SLC44A2: variants seen among roughly 807,000 people sequenced by gnomAD.
The protein encoded by SLC44A2 is solute carrier family 44 member 2 (CTL2 blood group).
In SLC44A2, 57 loss-of-function variants were observed where a neutral mutation model predicts 90.8. The observed-to-expected ratio is 0.63, with a 90% CI of 0.51 to 0.78. The LOEUF is 0.78. SLC44A2 is among the 30% of genes least tolerant of loss of function. SLC44A2 has a pLI of 0.00. For synonymous variants in SLC44A2, 355 were observed against 360.7 expected (o/e 0.98, Z 0.18); for missense variants, 794 against 919.7 (o/e 0.86, Z 1.77).
At position 10,637,732 on chromosome 19, in the gene SLC44A2, G is replaced by A. The variant is rs1266532175; in HGVS notation, c.1680G>A (p.Arg560=). 1 of 1,614,042 alleles carries A rather than the reference G, an allele frequency of 6.2e-7. No individual in the cohort carries two copies. Among genetic ancestry groups the A allele is most frequent in the East Asian group, 2.2e-5 (1 of 44,870 alleles). ...CLEKFIKFLN[R]NAYIMIAIYG... The stretch of plus-strand genomic sequence containing the variant: ...AGAAGTTCATCAAATTCCTTAATAG[G>A]AATGCCTACATCATGGTGAGTGGGC... The change falls in exon 17 of 22, where the codon AGG becomes AGA. Residue 560 remains arginine (R), a synonymous_variant. Transcript: ENST00000335757.
Position 10,643,530 on chromosome 19 carries a change from G to A in SLC44A2, c.*145G>A, listed in dbSNP as rs1211226220. On this transcript the variant is annotated 3_prime_UTR_variant, in exon 22 of 22. Transcript: ENST00000335757. ...CATGAGCCAGATCCCACCAGTTTCT[G>A]GACGTGGAGAGTCTGGGGCATCTCC... 1 of 985,494 alleles carries A rather than the reference G, an allele frequency of 1.0e-6. No homozygotes were observed. Among genetic ancestry groups the A allele is most frequent in the Non-Finnish European group, 1.4e-6 (1 of 694,482 alleles). 61.0% of individuals were successfully genotyped at this position (985,494 alleles called of 1,614,324 possible). A position where few individuals can be genotyped will look rare whatever the true frequency, so the allele number is the denominator to read the frequency against.
intron 21 of SLC44A2, chr19:10,642,966 T>A (rs2067134316): frequency 6.3e-7 from 1 of 1,591,142 alleles, no homozygotes; most frequent in Non-Finnish European, 8.5e-7. Flanking sequence ...CTGAGAGACA[T>A]CCTGTTGAAG....
At chr19:10,612,969 G>A (rs1241488393) in intron 1 of SLC44A2, among the ~76,000 whole-genome samples, 3 of 152,202 alleles carry the variant, frequency 2.0e-5, no homozygotes, top group African/African-American at 4.8e-5. Flanking sequence ...TGTGTGGCCC[G>A]AGCAAGCAAC....
At chr19:10,642,617 C>G (rs975622042) in intron 21 of SLC44A2, among the ~76,000 whole-genome samples, 166 bp downstream of exon 21, 21 of 152,130 alleles carry the variant, frequency 1.4e-4, no homozygotes, top group Non-Finnish European at 1.0e-4. Context: ...TTTCCTTTTG[C>G]GCTTAGAAGC....
chr19:10,609,389 T>A (rs1918216846), intron 1 of SLC44A2, among the ~76,000 whole-genome samples: 2 of 152,066 alleles, frequency 1.3e-5, no homozygotes. Context: ...AACCTCCGCC[T>A]CCTGGGTTCA....
chr19:10,625,353 G>C (rs2066921166), upstream of SLC44A2: 1 of 736,340 alleles, frequency 1.4e-6, no homozygotes, highest in South Asian at 6.9e-5. Context: ...GGTGTTCCCA[G>C]GGTGAAGCCG....
chr19:10,629,380 C>A (rs545307751), intron 4 of SLC44A2, among the ~76,000 whole-genome samples: 1 of 151,186 alleles, frequency 6.6e-6, no homozygotes, highest in East Asian at 2.0e-4. Flanking sequence ...CGGGTTCAAG[C>A]GGTTCTCCTG....
At chr19:10,607,461 C>T (rs2144801693) in intron 1 of SLC44A2, among the ~76,000 whole-genome samples, 1 of 151,878 alleles carries the variant, frequency 6.6e-6, no homozygotes, top group African/African-American at 2.4e-5. Context: ...AGTGATCCTC[C>T]TGCTTCTGCC....
chr19:10,635,752 T>A, intron 14 of SLC44A2: 12 of 372,686 alleles, frequency 3.2e-5, no homozygotes, highest in Non-Finnish European at 3.9e-5. Flanking sequence ...GGGTGCTAAA[T>A]CACCCATTTT....
chr19:10,628,122 C>T (rs1313826447), intron 4 of SLC44A2, 118 bp downstream of exon 4: 31 of 921,890 alleles, frequency 3.4e-5, no homozygotes, highest in Middle Eastern at 3.2e-4. Flanking sequence ...CGGTGACTCA[C>T]GCCCGAAATT....
rs1333957235 is a variant in SLC44A2, at chr19:10,636,555, C to T, written c.1466C>T (p.Pro489Leu). The T allele has an allele frequency of 2.5e-6, 4 of 1,607,358 alleles. No homozygotes were observed. The highest frequency in any genetic ancestry group is 2.2e-5 in the East Asian group (1 of 44,852). ...AAGCCGGACGACCTGCCGGCCTTCC[C>T]GCTCTTCTCTGCCTTTGGCCGGGCG... is the stretch of plus-strand genomic sequence containing the variant. ...LRKPDDLPAF[P>L]LFSAFGRALR... The change falls in exon 15 of 22, where the codon CCG (proline) becomes CTG (leucine). Residue 489 changes from proline (P) to leucine (L), a missense_variant. This residue lies in a region of SLC44A2 where 738 missense variants were observed against 841.1 expected (regional missense o/e 0.88). Coordinates refer to ENST00000335757, the MANE Select transcript of SLC44A2 (RefSeq NM_020428.4).
intron 4 of SLC44A2, among the ~76,000 whole-genome samples, chr19:10,628,332 G>A (rs182606788): frequency 3.5e-4 from 54 of 152,312 alleles, no homozygotes; most frequent in African/African-American, 1.3e-3. Context: ...GTTGCAATGA[G>A]CCGAGATCGT....
chr19:10,637,712 T>C lies in SLC44A2; in HGVS notation c.1660T>C (p.Phe554Leu), dbSNP rs758337344. The C allele has an allele frequency of 6.2e-7, 1 of 1,614,038 alleles. No individual in the cohort carries two copies. Among genetic ancestry groups the C allele is most frequent in the South Asian group, 1.1e-5 (1 of 91,078 alleles). Reference sequence around the variant, plus strand: ...ATGCTGCTTCTGGTGCCTGGAGAAGTTCATCAAATTCCTTAATAGGAATGC... The same window carrying C: ...ATGCTGCTTCTGGTGCCTGGAGAAGCTCATCAAATTCCTTAATAGGAATGC... ...LKCCFWCLEKFIKFLNRNAYI... is the reference protein window; with the variant it reads ...LKCCFWCLEKLIKFLNRNAYI... Residue 554 changes from phenylalanine (F) to leucine (L), a missense_variant, in exon 17 of 22, where the codon TTC becomes CTC. Around this residue, in one of 3 missense-constraint regions of SLC44A2, gnomAD observed 738 missense variants for 841.1 expected, o/e 0.88. Coordinates refer to ENST00000335757, the MANE Select transcript of SLC44A2 (RefSeq NM_020428.4).
At position 10,632,117 on chromosome 19, in the gene SLC44A2, T is replaced by C. The variant is rs772164609; in HGVS notation, c.784T>C (p.Trp262Arg). The change falls in exon 10 of 22, where the codon TGG (tryptophan) becomes CGG (arginine). Residue 262 changes from tryptophan to arginine, a missense_variant. By Grantham distance (101) the Trp-to-Arg change is moderately radical (BLOSUM62 -3). This residue lies in a region of SLC44A2 where 738 missense variants were observed against 841.1 expected (regional missense o/e 0.88). Transcript: ENST00000335757. ...TCGCTTCCTGGCTGGTATTATGGTC[T>C]GGGTGATGATCATCATGGTGATTCT... Reference protein sequence around the residue: ...LLRFLAGIMVWVMIIMVILVL... With the variant: ...LLRFLAGIMVRVMIIMVILVL... The C allele has an allele frequency of 1.2e-6, 2 of 1,614,130 alleles. No individual in the cohort carries two copies. Among genetic ancestry groups the C allele is most frequent in the South Asian group, 2.2e-5 (2 of 91,084 alleles).
At chr19:10,622,365 A>G (rs1357450611), upstream of SLC44A2, among the ~76,000 whole-genome samples, 2 of 152,094 alleles carry the variant, frequency 1.3e-5, no homozygotes, top group Non-Finnish European at 2.9e-5. Flanking sequence ...TGAGCAGAGC[A>G]GGGATGTGTC....
At chr19:10,630,992 C>G in intron 4 of SLC44A2, 65 bp from the exon 5 acceptor site, 1 of 1,275,630 alleles carries the variant, frequency 7.8e-7, no homozygotes. Context: ...GCAACAAGAG[C>G]GAGACTCTGT....
intron 4 of SLC44A2, among the ~76,000 whole-genome samples, 155 bp downstream of exon 4, chr19:10,628,159 A>C (rs1422238502): frequency 6.6e-6 from 1 of 152,112 alleles, no homozygotes. Flanking sequence ...CCGAGGCAGG[A>C]ATATTGCTTT....
At position 10,629,363 on chromosome 19, in the gene SLC44A2, C is replaced by T. The variant is rs577034012; in HGVS notation, c.245+1359C>T. Among the ~76,000 whole-genome samples the T allele has an allele frequency of 6.0e-5, 9 of 151,128 alleles. No homozygotes were observed. In the East Asian group the frequency reaches 1.4e-3, roughly 23 times the overall value. On this transcript the variant is annotated intron_variant, in intron 4 of 21. Transcript: ENST00000335757. ...CACAATCTCAGCCCACTGCAACCTC[C>T]GTCTCCCGGGTTCAAGCGGTTCTCC...
chr19:10,619,100 T>C (rs1216106722), intron 1 of SLC44A2, among the ~76,000 whole-genome samples: 3 of 151,376 alleles, frequency 2.0e-5, no homozygotes, highest in Non-Finnish European at 4.4e-5. Flanking sequence ...GCTTCCCCAG[T>C]AGCTGGGACT....
Sources: gnomAD v4.1 joint callset for allele counts (sites outside exome capture counted in the v4.1 genomes callset) on GRCh38, gnomAD v4.1.1 for gene constraint, gnomAD v4.1.1 regional missense constraint, MANE v1.5 for transcripts, NCBI Gene and HGNC (gene_info 2026-07-23, HGNC 2026-07-21) for gene names.